WLS: variants seen among roughly 807,000 people sequenced by gnomAD.
WLS encodes protein wntless homolog.
Under a neutral mutation model 62.8 loss-of-function variants are expected in WLS, and 23 were observed. That is an observed-to-expected ratio of 0.37 (90% CI 0.26 to 0.52). WLS has a LOEUF of 0.52. Among genes scored for constraint, WLS ranks in the 20% least tolerant of loss-of-function variants. The pLI is 0.92. For missense variants in WLS, 615 were observed against 697.3 expected (o/e 0.88, Z 1.33); for synonymous variants, 246 against 244.1 (o/e 1.01, Z -0.07).
intron 1 of WLS, among the ~76,000 whole-genome samples, chr1:68,206,588 C>T (rs994624834): frequency 6.6e-6 from 1 of 152,118 alleles, no homozygotes; most frequent in African/African-American, 2.4e-5. Context: ...TTTAGAGCTT[C>T]GATTCTGGGC....
intron 10 of WLS, among the ~76,000 whole-genome samples, chr1:68,138,706 A>T (rs1646646794): frequency 1.3e-5 from 2 of 152,206 alleles, no homozygotes; most frequent in African/African-American, 4.8e-5. Context: ...TACACTAAGA[A>T]CTGTCAACAG....
chr1:68,124,157 T>G (rs1456550774), downstream of WLS, among the ~76,000 whole-genome samples: 1 of 152,300 alleles, frequency 6.6e-6, no homozygotes, highest in East Asian at 1.9e-4. Flanking sequence ...TCCAAAATAA[T>G]CCTCTCCTCC....
At chr1:68,154,568 T>A (rs1646871072) in intron 4 of WLS, among the ~76,000 whole-genome samples, 1 of 152,196 alleles carries the variant, frequency 6.6e-6, no homozygotes, top group Non-Finnish European at 1.5e-5. Flanking sequence ...GAAGGAGATA[T>A]ATCAAAACCT....
chr1:68,230,627 T>G (rs1379822554), intron 1 of WLS, among the ~76,000 whole-genome samples: 1 of 149,774 alleles, frequency 6.7e-6, no homozygotes, highest in Non-Finnish European at 1.5e-5. Context: ...AGGGTGAGGG[T>G]TCCAGAAAGA....
chr1:68,107,066 T>TA (rs1646157280), intron 11 of WLS, among the ~76,000 whole-genome samples: 1 of 152,224 alleles, frequency 6.6e-6, no homozygotes, highest in Non-Finnish European at 1.5e-5. Flanking sequence ...TCCTCATTCC[T>TA]ACTATTTAAG....
intron 11 of WLS, among the ~76,000 whole-genome samples, chr1:68,107,237 C>G (rs952680939): frequency 1.3e-5 from 2 of 151,698 alleles, no homozygotes; most frequent in African/African-American, 4.8e-5. Flanking sequence ...TAGTTGCTGC[C>G]TCATACTGTA....
chr1:68,189,319 A>T (rs1427072305), intron 2 of WLS, among the ~76,000 whole-genome samples: 1 of 151,262 alleles, frequency 6.6e-6, no homozygotes, highest in East Asian at 1.9e-4. Flanking sequence ...AAAGTTCTCA[A>T]CTTAAAAGAA....
At chr1:68,115,647 C>T (rs1008217356) in intron 11 of WLS, among the ~76,000 whole-genome samples, 2 of 152,080 alleles carry the variant, frequency 1.3e-5, no homozygotes, top group Admixed American at 1.3e-4. Flanking sequence ...TGTAAAGAGC[C>T]GCTATTACTC....
At chr1:68,102,757 T>C in intron 11 of WLS, 1 of 152,336 alleles carries the variant, frequency 6.6e-6, no homozygotes, top group Non-Finnish European at 1.5e-5. Flanking sequence ...ATGCCCCTCT[T>C]GCCAGCTGAC....
intron 1 of WLS, among the ~76,000 whole-genome samples, chr1:68,218,718 A>T (rs988131725): frequency 2.6e-5 from 4 of 152,114 alleles, no homozygotes; most frequent in Non-Finnish European, 4.4e-5. Context: ...GCAGGCAGAC[A>T]TTTGGCACAG....
chr1:68,195,168 T>C (rs1241120311), intron 1 of WLS, among the ~76,000 whole-genome samples: 1 of 152,204 alleles, frequency 6.6e-6, no homozygotes, highest in Non-Finnish European at 1.5e-5. Context: ...ATATCATGCA[T>C]AGTTTTGTAG....
intron 1 of WLS, among the ~76,000 whole-genome samples, chr1:68,197,193 A>G (rs989053058): frequency 1.3e-5 from 2 of 152,158 alleles, no homozygotes; most frequent in African/African-American, 4.8e-5. Flanking sequence ...TCCAAACTTA[A>G]TAACAGAGAA....
At chr1:68,119,730 A>T in intron 11 of WLS, among the ~76,000 whole-genome samples, 1 of 152,234 alleles carries the variant, frequency 6.6e-6, no homozygotes, top group Non-Finnish European at 1.5e-5. Flanking sequence ...ACTTGCACAC[A>T]AATCCTTGTC....
chr1:68,166,918 A>T (rs1647068099), intron 2 of WLS, among the ~76,000 whole-genome samples: 1 of 152,198 alleles, frequency 6.6e-6, no homozygotes, highest in South Asian at 2.1e-4. Flanking sequence ...CAATAGTCTC[A>T]TAGCATCCTG....
At chr1:68,140,928 C>T (rs1165080597) in intron 10 of WLS, among the ~76,000 whole-genome samples, 1 of 151,692 alleles carries the variant, frequency 6.6e-6, no homozygotes, top group East Asian at 1.9e-4. Flanking sequence ...GTAACAGTCT[C>T]CCCCCTTTTA....
chr1:68,108,699 T>C (rs923138261), intron 11 of WLS, among the ~76,000 whole-genome samples: 4 of 152,248 alleles, frequency 2.6e-5, no homozygotes, highest in Non-Finnish European at 5.9e-5. Context: ...TTAATTTTAA[T>C]TTAATAGCCA....
chr1:68,137,865 G>T lies in WLS; in HGVS notation c.1431C>A (p.Ile477=). The T allele has an allele frequency of 6.2e-7, 1 of 1,614,018 alleles. No individual in the cohort carries two copies. Among genetic ancestry groups the T allele is most frequent in the East Asian group, 2.2e-5 (1 of 44,874 alleles). Residue 477 remains isoleucine (I), a synonymous_variant, in exon 11 of 12, where the codon ATC becomes ATA. Transcript: ENST00000262348. The stretch of plus-strand genomic sequence containing the variant: ...AGACATACAGATTCCACATCCCATA[G>T]ATGCCTGTGAAAAAGGCACTGTTCA... ...VQVNSAFFTG[I]YGMWNLYVFA...
At chr1:68,102,073 TC>T (rs1041069212) in intron 11 of WLS, among the ~76,000 whole-genome samples, 1 of 152,188 alleles carries the variant, frequency 6.6e-6, no homozygotes, top group African/African-American at 2.4e-5. Flanking sequence ...GACTTGTGTT[TC>T]CTGGGAAGCA....
At chr1:68,155,015 T>C in intron 4 of WLS, 84 bp downstream of exon 4, 1 of 1,395,774 alleles carries the variant, frequency 7.2e-7, no homozygotes, top group African/African-American at 1.4e-5. Context: ...ATTTCTCAGA[T>C]GAGACAGGTG....
Sources: gnomAD v4.1 joint callset for allele counts (sites outside exome capture counted in the v4.1 genomes callset) on GRCh38, gnomAD v4.1.1 for gene constraint, MANE v1.5 for transcripts, NCBI Gene and HGNC (gene_info 2026-07-23, HGNC 2026-07-21) for gene names.